Variants in FAM135A observed in about 807,000 individuals in gnomAD.
The protein encoded by FAM135A is protein FAM135A.
Under a neutral mutation model 146.8 loss-of-function variants are expected in FAM135A, and 79 were observed. That is an observed-to-expected ratio of 0.54 (90% CI 0.45 to 0.65). FAM135A has a LOEUF of 0.65. FAM135A is among the 30% of genes least tolerant of loss of function. FAM135A has a pLI of 0.00. For missense variants in FAM135A, 1,623 were observed against 1,758.2 expected (o/e 0.92, Z 1.38); for synonymous variants, 562 against 603.6 (o/e 0.93, Z 1.01).
chr6:70,521,521 G>A (rs1276254848), intron 12 of FAM135A, among the ~76,000 whole-genome samples: 5 of 152,110 alleles, frequency 3.3e-5, no homozygotes, highest in African/African-American at 1.2e-4. Context: ...GAAGACCCAG[G>A]TTTATCTGCT....
At chr6:70,551,549 C>T (rs1399870023) in intron 20 of FAM135A, among the ~76,000 whole-genome samples, 17 of 152,078 alleles carry the variant, frequency 1.1e-4, no homozygotes, top group South Asian at 2.1e-4. Context: ...AGGTAGAGGC[C>T]GCAATGAGTC....
chr6:70,494,548 T>TTA (rs1472721504), intron 11 of FAM135A, among the ~76,000 whole-genome samples: 2 of 151,960 alleles, frequency 1.3e-5, no homozygotes, highest in Non-Finnish European at 2.9e-5. Context: ...ATTCCTACAT[T>TTA]TATATATATA....
At chr6:70,447,876 C>T (rs147379586) in intron 4 of FAM135A, among the ~76,000 whole-genome samples, 3,110 of 152,228 alleles carry the variant, frequency 0.02, 108 homozygotes, top group African/African-American at 0.07. Flanking sequence ...TTTCCTTTAT[C>T]CACTCAGTAC....
At chr6:70,448,872 G>C (rs186851400) in intron 4 of FAM135A, among the ~76,000 whole-genome samples, 52 of 152,296 alleles carry the variant, frequency 3.4e-4, no homozygotes, top group African/African-American at 1.2e-3. Flanking sequence ...GTTTAAGAAC[G>C]CCTTTAAGCA....
chr6:70,469,343 T>C lies in FAM135A; in HGVS notation c.158-6067T>C, dbSNP rs1781114274. On this transcript the variant is annotated intron_variant, in intron 5 of 21. Transcript: ENST00000418814. ...AATAAAATTAAGATGAAGTTTATTATATGTAAGTCACTGGTATTTCTTTTT... is the reference window on the plus strand; with the variant it reads ...AATAAAATTAAGATGAAGTTTATTACATGTAAGTCACTGGTATTTCTTTTT... 2.6e-5 allele frequency among the ~76,000 whole-genome samples: 4 copies of C among 152,366 alleles called. 1 individual carries two copies. In the South Asian group the frequency reaches 6.2e-4, roughly 24 times the overall value.
chr6:70,428,132 A>G (rs1582024647), intron 3 of FAM135A, among the ~76,000 whole-genome samples, 172 bp from the exon 4 acceptor site: 1 of 152,238 alleles, frequency 6.6e-6, no homozygotes, highest in Non-Finnish European at 1.5e-5. Context: ...GCAGCTTAGT[A>G]AGTATACATT....
chr6:70,536,942 T>TTC (rs1045506822), intron 19 of FAM135A, among the ~76,000 whole-genome samples: 4 of 150,962 alleles, frequency 2.6e-5, no homozygotes, highest in African/African-American at 9.7e-5. Context: ...TGATTTTTTT[T>TTC]TTTTTTTTTT....
intron 5 of FAM135A, among the ~76,000 whole-genome samples, chr6:70,468,441 A>C (rs990714554): frequency 3.3e-5 from 5 of 152,180 alleles, no homozygotes; most frequent in African/African-American, 1.2e-4. Flanking sequence ...AATTGTGACC[A>C]AAAACCCACC....
rs1416861373 is a variant in FAM135A, at chr6:70,524,403, A to C, written c.1319A>C (p.Asp440Ala). 20 of 1,523,128 alleles carry C rather than the reference A, an allele frequency of 1.3e-5. No individual in the cohort carries two copies. The highest frequency in any genetic ancestry group is 1.7e-5 in the Non-Finnish European group (19 of 1,139,936). The allele number at this position is 1,523,128 out of a possible 1,614,324, so 94.4% of individuals were successfully genotyped here. A position where few individuals can be genotyped will look rare whatever the true frequency, so the allele number is the denominator to read the frequency against. The change falls in exon 15 of 22, where the codon GAT becomes GCT. Residue 440 changes from aspartate to alanine, a missense_variant. Physicochemically the swap from Asp to Ala is moderately radical, Grantham distance 126 (BLOSUM62 -2). This residue lies in a region of FAM135A where 1,061 missense variants were observed against 1,113.8 expected (regional missense o/e 0.95). Transcript: ENST00000418814. ...NLQRSESSKM[D>A]KYETEESSVA... ...CAGAGATCAGAGTCCAGTAAAATGG[A>C]TAAATATGAGACTGAAGAAAGCTCT...
chr6:70,526,767 AC>A, intron 15 of FAM135A, 69 bp downstream of exon 15: 1 of 143,768 alleles, frequency 7.0e-6, no homozygotes, highest in Non-Finnish European at 1.2e-5. Context: ...ACACACACAT[AC>A]ACACACACAC....
chr6:70,519,377 A>T (rs1262828968), intron 12 of FAM135A, among the ~76,000 whole-genome samples: 2 of 152,242 alleles, frequency 1.3e-5, no homozygotes, highest in African/African-American at 4.8e-5. Context: ...AACATTGTTG[A>T]AATAACAAAA....
In FAM135A at chr6:70,426,513, T is replaced by G. The variant is rs922112985; in HGVS notation, c.-59T>G. The G allele has an allele frequency of 1.3e-5, 2 of 152,214 alleles. No individual in the cohort carries two copies. The highest frequency in any genetic ancestry group is 4.8e-5 in the African/African-American group (2 of 41,448). 9.4% of individuals were successfully genotyped at this position (152,214 alleles called of 1,614,324 possible). ...ATTGGTTATTTAATAATGTTAAAAA[T>G]GAGGCTTTGAAAAGCAGAGGTAAGA... On this transcript the variant is annotated 5_prime_UTR_variant, in exon 3 of 22. It removes an upstream start codon present in the reference 5' UTR. Coordinates refer to ENST00000418814, the MANE Select transcript of FAM135A (RefSeq NM_001162529.3).
intron 20 of FAM135A, among the ~76,000 whole-genome samples, chr6:70,544,150 C>G (rs1002433333): frequency 6.6e-6 from 1 of 151,808 alleles, no homozygotes; most frequent in East Asian, 1.9e-4. Context: ...AAGCTAGGTG[C>G]GGAAATATCA....
At chr6:70,504,977 T>C (rs1789418491) in intron 12 of FAM135A, 1 of 150,050 alleles carries the variant, frequency 6.7e-6, no homozygotes, top group Admixed American at 6.6e-5. Flanking sequence ...AAAAAAAAGG[T>C]AGTGCAGAGT....
intron 5 of FAM135A, among the ~76,000 whole-genome samples, chr6:70,454,999 GAATC>G (rs1366337454): frequency 6.6e-6 from 1 of 152,094 alleles, no homozygotes; most frequent in Non-Finnish European, 1.5e-5. Context: ...GGATGGCATT[GAATC>G]TATAAATTAC....
In FAM135A at chr6:70,525,896, T is replaced by A. The variant is rs1794594729; in HGVS notation, c.2812T>A (p.Cys938Ser). 1 of 1,613,034 alleles carries A rather than the reference T, an allele frequency of 6.2e-7. No homozygotes were observed. Among genetic ancestry groups the A allele is most frequent in the African/African-American group, 1.3e-5 (1 of 74,874 alleles). Residue 938 changes from cysteine (C) to serine (S), a missense_variant, in exon 15 of 22, where the codon TGC (cysteine) becomes AGC (serine). Physicochemically the swap from Cys to Ser is moderately radical, Grantham distance 112. This residue lies in a region of FAM135A where 1,061 missense variants were observed against 1,113.8 expected (regional missense o/e 0.95). Transcript: ENST00000418814. ...EETSSDVKSS[C>S]SSKPNLDTMC... ...GACTTCCAGTGATGTGAAAAGTAGT[T>A]GCAGCTCCAAACCTAACTTGGATAC...
chr6:70,538,787 A>G (rs971696680), intron 20 of FAM135A, among the ~76,000 whole-genome samples: 1 of 141,960 alleles, frequency 7.0e-6, no homozygotes, highest in South Asian at 2.2e-4. Flanking sequence ...ACGTTTTTCT[A>G]CCTTCATATT....
chr6:70,500,657 C>T (rs948622549), intron 11 of FAM135A, among the ~76,000 whole-genome samples: 8 of 152,126 alleles, frequency 5.3e-5, no homozygotes, highest in African/African-American at 1.7e-4. Context: ...CTTTGGATGG[C>T]GTTTTTGTGT....
chr6:70,423,660 G>C (rs1381363341), intron 2 of FAM135A, among the ~76,000 whole-genome samples: 5 of 152,190 alleles, frequency 3.3e-5, no homozygotes, highest in Non-Finnish European at 7.3e-5. Flanking sequence ...AGGATCACTT[G>C]ACATCAAGGG....
Sources: gnomAD v4.1 joint callset for allele counts (sites outside exome capture counted in the v4.1 genomes callset) on GRCh38, gnomAD v4.1.1 for gene constraint, gnomAD v4.1.1 regional missense constraint, MANE v1.5 for transcripts, NCBI Gene and HGNC (gene_info 2026-07-23, HGNC 2026-07-21) for gene names.